The following SLC25A21 variants were observed in gnomAD, a reference collection of about 807,000 sequenced individuals.
SLC25A21 encodes solute carrier family 25 member 21.
Under a neutral mutation model 43.8 loss-of-function variants are expected in SLC25A21, and 47 were observed. The observed-to-expected ratio is 1.07, with a 90% CI of 0.85 to 1.37. The LOEUF is 1.37. Among genes scored for constraint, SLC25A21 ranks in the 40% most tolerant of loss-of-function variants. SLC25A21 has a pLI of 0.00. For synonymous variants in SLC25A21, 131 were observed against 121.3 expected, an observed-to-expected ratio of 1.08 and a Z score of -0.52; for missense variants, 352 against 350.2, an observed-to-expected ratio of 1.00 and a Z score of -0.04.
At chr14:36,931,345 G>A (rs1320055053) in intron 1 of SLC25A21, among the ~76,000 whole-genome samples, 1 of 152,144 alleles carries the variant, frequency 6.6e-6, no homozygotes, top group Non-Finnish European at 1.5e-5. Flanking sequence ...CCTTGGCAAG[G>A]ATGCAGATAG....
chr14:36,749,958 T>C (rs1451753093), intron 3 of SLC25A21, among the ~76,000 whole-genome samples: 2 of 152,210 alleles, frequency 1.3e-5, no homozygotes, highest in Non-Finnish European at 2.9e-5. Context: ...TTACTCTCTG[T>C]TGTTCCCACT....
chr14:36,975,820 T>C (rs1252567895), intron 1 of SLC25A21, among the ~76,000 whole-genome samples: 1 of 152,188 alleles, frequency 6.6e-6, no homozygotes, highest in Non-Finnish European at 1.5e-5. Context: ...AGTGAGGTGA[T>C]GGAGCAACAG....
At chr14:36,954,198 G>GC (rs1959268631) in intron 1 of SLC25A21, among the ~76,000 whole-genome samples, 1 of 152,094 alleles carries the variant, frequency 6.6e-6, no homozygotes, top group Non-Finnish European at 1.5e-5. Context: ...AAATGTCTCT[G>GC]ATTGTCCTTT....
intron 3 of SLC25A21, among the ~76,000 whole-genome samples, chr14:36,786,080 T>C (rs973661398): frequency 1.1e-4 from 16 of 152,330 alleles, no homozygotes; most frequent in African/African-American, 3.6e-4. Flanking sequence ...CCCTAGTGTA[T>C]AAGCAAGAGC....
chr14:37,006,956 A>AACAC (rs992958610), intron 1 of SLC25A21, among the ~76,000 whole-genome samples: 3 of 152,204 alleles, frequency 2.0e-5, no homozygotes, highest in Admixed American at 1.3e-4. Context: ...CAAACAAACA[A>AACAC]ACCCAGCATA....
Position 36,790,673 on chromosome 14 carries a change from C to T in SLC25A21, c.203+23245G>A, listed in dbSNP as rs188862659. 8.2e-4 allele frequency among the ~76,000 whole-genome samples: 125 copies of T among 152,176 alleles called. No homozygotes were observed. In the Middle Eastern group the frequency reaches 0.02, roughly 25 times the overall value. ...ACACTTTTGAGGTATGAAAATAAGT[C>T]CTCTTTTAGGAAAGCCATAAAACAA... On this transcript the variant is annotated intron_variant, in intron 3 of 9. Transcript: ENST00000331299.
At chr14:36,873,425 A>T (rs1890430577) in intron 2 of SLC25A21, among the ~76,000 whole-genome samples, 1 of 151,998 alleles carries the variant, frequency 6.6e-6, no homozygotes, top group Non-Finnish European at 1.5e-5. Flanking sequence ...CCTCCTGAGT[A>T]GCTCGGATTA....
rs764147198 is a variant in SLC25A21, at chr14:36,711,459, T to C, written c.462A>G (p.Ala154=). ...AGCCTTCCTTCTTAATGATTTGTCT[T>C]GCATAACCCACAGTGGATGGTTGCT... ...FAEQPSTVGY[A]RQIIKKEGWG... is the part of the protein sequence containing the mutation. Residue 154 remains alanine (A), a synonymous_variant, in exon 7 of 10, where the codon GCA becomes GCG. Transcript: ENST00000331299. 1.2e-6 allele frequency: 2 copies of C among 1,614,058 alleles called. No individual in the cohort carries two copies. The highest frequency in any genetic ancestry group is 2.2e-5 in the South Asian group (2 of 91,034).
intron 1 of SLC25A21, among the ~76,000 whole-genome samples, chr14:37,105,719 T>C (rs535088438): frequency 2.6e-5 from 4 of 152,078 alleles, no homozygotes; most frequent in Non-Finnish European, 4.4e-5. Context: ...AAGAAAGACA[T>C]AAAGGTCTAT....
At chr14:37,039,300 T>C (rs1463259660) in intron 1 of SLC25A21, among the ~76,000 whole-genome samples, 2 of 152,346 alleles carry the variant, frequency 1.3e-5, no homozygotes, top group East Asian at 1.9e-4. Context: ...ATTTGAAACA[T>C]ACAAATTGAA....
rs140657266 is a variant in SLC25A21 at position 37,007,600 on chromosome 14, A to AAATAATAATAAT, written c.71-132608_71-132597dup. Among the ~76,000 whole-genome samples, 386 of 148,114 alleles carry AAATAATAATAAT rather than the reference A, an allele frequency of 2.6e-3. 1 individual carries two copies. The highest frequency in any genetic ancestry group is 7.1e-3 in the African/African-American group (284 of 39,768). ...CCTGACAGACAAGACTCCCTCTCAA[A>AAATAATAATAAT]AATAATAATAATAATAATAATAAAG... On this transcript the variant is annotated intron_variant, in intron 1 of 9. Transcript: ENST00000331299.
intron 1 of SLC25A21, among the ~76,000 whole-genome samples, chr14:37,011,041 C>G (rs1313943211): frequency 6.6e-6 from 1 of 152,158 alleles, no homozygotes; most frequent in Non-Finnish European, 1.5e-5. Context: ...TGCGTGCCAC[C>G]CTGCCCAGCT....
chr14:36,986,437 G>C (rs1236322027), intron 1 of SLC25A21, among the ~76,000 whole-genome samples: 1 of 152,066 alleles, frequency 6.6e-6, no homozygotes, highest in African/African-American at 2.4e-5. Flanking sequence ...CTGCTTAAGT[G>C]ACCCTCATAA....
intron 1 of SLC25A21, among the ~76,000 whole-genome samples, chr14:36,901,951 A>T (rs555343935): frequency 1.3e-5 from 2 of 152,218 alleles, no homozygotes; most frequent in East Asian, 3.9e-4. Flanking sequence ...AGTCCCATGA[A>T]CTCCAAGGTC....
At chr14:36,795,812 A>G (rs1887650321) in intron 3 of SLC25A21, among the ~76,000 whole-genome samples, 2 of 152,192 alleles carry the variant, frequency 1.3e-5, no homozygotes, top group Non-Finnish European at 2.9e-5. Context: ...CATAGTACGA[A>G]TTGGAGAACC....
At chr14:36,705,183 G>A (rs191358847) in intron 7 of SLC25A21, among the ~76,000 whole-genome samples, 2 of 151,502 alleles carry the variant, frequency 1.3e-5, no homozygotes, top group Admixed American at 6.6e-5. Flanking sequence ...TGGGACTACT[G>A]GCGCCCGCCA....
chr14:36,831,486 T>A (rs1293405705), intron 2 of SLC25A21, among the ~76,000 whole-genome samples: 4 of 152,174 alleles, frequency 2.6e-5, no homozygotes, highest in African/African-American at 9.7e-5. Flanking sequence ...AGTATTTCTG[T>A]ATATAGCTGT....
chr14:36,887,674 G>A (rs1291194714), intron 1 of SLC25A21, among the ~76,000 whole-genome samples: 1 of 152,114 alleles, frequency 6.6e-6, no homozygotes, highest in African/African-American at 2.4e-5. Flanking sequence ...ATGGCTTGGG[G>A]AAGAGGGCAG....
At chr14:36,777,871 T>C (rs1886894172) in intron 3 of SLC25A21, among the ~76,000 whole-genome samples, 1 of 152,242 alleles carries the variant, frequency 6.6e-6, no homozygotes, top group Non-Finnish European at 1.5e-5. Flanking sequence ...AATGATTTTG[T>C]TCTGTTTAAT....
Sources: allele counts gnomAD v4.1 joint callset (sites outside exome capture counted in the v4.1 genomes callset), GRCh38; gene constraint gnomAD v4.1.1; transcripts MANE v1.5; gene names NCBI Gene and HGNC (gene_info 2026-07-23, HGNC 2026-07-21).